Variants in ASXL2 observed in about 807,000 individuals in gnomAD.
The protein encoded by ASXL2 is ASXL transcriptional regulator 2.
In ASXL2, 23 loss-of-function variants were observed where a neutral mutation model predicts 122.0. The observed-to-expected ratio is 0.19, with a 90% CI of 0.14 to 0.27. The LOEUF is 0.27. ASXL2 is among the 10% of genes least tolerant of loss of function. ASXL2 has a pLI of 1.00. For synonymous variants in ASXL2, 650 were observed against 637.0 expected (o/e 1.02, Z -0.31); for missense variants, 1,518 against 1,713.8 (o/e 0.89, Z 2.02).
intron 8 of ASXL2, among the ~76,000 whole-genome samples, chr2:25,764,102 C>G (rs2088299292): frequency 6.6e-6 from 1 of 152,138 alleles, no homozygotes; most frequent in African/African-American, 2.4e-5. Context: ...TCTATAAATT[C>G]AAATAGTACC....
rs1054977851 is a variant in ASXL2 at position 25,739,075 on chromosome 2, A to G, written c.*2954T>C. ...AATCTTTATAAACAAGACTGAGACT[A>G]TATTATTGATGCTATCTCCTGGGGT... is the stretch of plus-strand genomic sequence containing the variant. On this transcript the variant is annotated 3_prime_UTR_variant, in exon 13 of 13. Coordinates refer to ENST00000435504, the MANE Select transcript of ASXL2 (RefSeq NM_018263.6). 6 of 152,216 alleles carry G rather than the reference A, an allele frequency of 3.9e-5. No homozygotes were observed. Among genetic ancestry groups the G allele is most frequent in the African/African-American group, 1.2e-4 (5 of 41,466 alleles). 9.4% of individuals were successfully genotyped at this position (152,216 alleles called of 1,614,324 possible).
At chr2:25,851,163 G>A (rs72801875) in intron 1 of ASXL2, among the ~76,000 whole-genome samples, 16 of 136,408 alleles carry the variant, frequency 1.2e-4, no homozygotes, top group East Asian at 3.9e-4. Context: ...AAAAAAAAAA[G>A]AAAGAAAGAA....
chr2:25,769,468 G>T (rs970174423), intron 6 of ASXL2, among the ~76,000 whole-genome samples: 1 of 152,026 alleles, frequency 6.6e-6, no homozygotes, highest in African/African-American at 2.4e-5. Context: ...TAAACAGAGG[G>T]GGAAGACTAG....
At chr2:25,868,776 C>A (rs2149203201) in intron 1 of ASXL2, among the ~76,000 whole-genome samples, 1 of 152,292 alleles carries the variant, frequency 6.6e-6, no homozygotes. Flanking sequence ...CACCTGTAAT[C>A]CCGGCATTTT....
At chr2:25,788,877 AAAGTT>A (rs2088788836) in intron 5 of ASXL2, among the ~76,000 whole-genome samples, 1 of 151,996 alleles carries the variant, frequency 6.6e-6, no homozygotes, top group Admixed American at 6.6e-5. Context: ...TCACTCTCTT[AAAGTT>A]ACGTTTTGAT....
intron 3 of ASXL2, among the ~76,000 whole-genome samples, chr2:25,808,533 T>C (rs756523185): frequency 6.6e-6 from 1 of 152,192 alleles, no homozygotes; most frequent in African/African-American, 2.4e-5. Flanking sequence ...AGTTTCACCA[T>C]GTTGGCCAGG....
chr2:25,808,547 G>T (rs575990444), intron 3 of ASXL2, among the ~76,000 whole-genome samples: 25 of 152,268 alleles, frequency 1.6e-4, no homozygotes, highest in African/African-American at 4.8e-4. Flanking sequence ...GGCCAGGCTG[G>T]TCTCGAACTC....
chr2:25,808,021 A>ACACACACT (rs766637532), intron 3 of ASXL2, among the ~76,000 whole-genome samples: 1 of 148,516 alleles, frequency 6.7e-6, no homozygotes, highest in African/African-American at 2.5e-5. Context: ...ACACACACAC[A>ACACACACT]CTCTCCACCC....
rs367891320 is a variant in ASXL2 at position 25,766,315 on chromosome 2, G to A, written c.775+1268C>T. Among the ~76,000 whole-genome samples the A allele has an allele frequency of 7.9e-5, 12 of 151,720 alleles. No individual in the cohort carries two copies. In the South Asian group the frequency reaches 2.5e-3, roughly 32 times the overall value. ...ATGCCTATTACACATTTTTAATCTG[G>A]AATTCTGTGGCTTTTTATTCTAAAT... On this transcript the variant is annotated intron_variant, in intron 8 of 12. Coordinates refer to ENST00000435504, the MANE Select transcript of ASXL2 (RefSeq NM_018263.6).
At chr2:25,800,432 G>A (rs796440754) in intron 4 of ASXL2, among the ~76,000 whole-genome samples, 4 of 152,060 alleles carry the variant, frequency 2.6e-5, no homozygotes, top group African/African-American at 9.6e-5. Flanking sequence ...GAATCTAATT[G>A]GTTCCTGAAT....
chr2:25,753,993 G>A (rs2088090268), intron 10 of ASXL2, among the ~76,000 whole-genome samples: 2 of 152,106 alleles, frequency 1.3e-5, no homozygotes. Context: ...AAAGTGATGT[G>A]CTTTCAATAA....
At chr2:25,863,869 G>A (rs1447530592) in intron 1 of ASXL2, among the ~76,000 whole-genome samples, 1 of 151,666 alleles carries the variant, frequency 6.6e-6, no homozygotes, top group Admixed American at 6.6e-5. Flanking sequence ...AGCTGGGTAT[G>A]GTGGCAGGTG....
intron 9 of ASXL2, among the ~76,000 whole-genome samples, 166 bp downstream of exon 9, chr2:25,759,316 C>T (rs1343586127): frequency 1.3e-5 from 2 of 152,228 alleles, no homozygotes; most frequent in Admixed American, 1.3e-4. Flanking sequence ...ATTCTGTCAT[C>T]TTGAAATTCT....
At chr2:25,856,143 G>A (rs1184909479) in intron 1 of ASXL2, among the ~76,000 whole-genome samples, 2 of 151,622 alleles carry the variant, frequency 1.3e-5, no homozygotes, top group Non-Finnish European at 2.9e-5. Flanking sequence ...TGCAACCTCC[G>A]CCTCCTGGGT....
intron 1 of ASXL2, among the ~76,000 whole-genome samples, chr2:25,872,806 C>T (rs1035287146): frequency 6.6e-6 from 1 of 152,090 alleles, no homozygotes; most frequent in Non-Finnish European, 1.5e-5. Flanking sequence ...AAACTAAGTT[C>T]CACAGAATAA....
intron 5 of ASXL2, among the ~76,000 whole-genome samples, chr2:25,786,231 C>G (rs111945242): frequency 1.3e-3 from 155 of 119,488 alleles, no homozygotes; most frequent in African/African-American, 4.8e-3. Flanking sequence ...CAACCTACTA[C>G]TCCACATCAT....
chr2:25,782,440 G>GCTTCCT (rs2088660502), intron 5 of ASXL2, among the ~76,000 whole-genome samples: 1 of 152,052 alleles, frequency 6.6e-6, no homozygotes, highest in Non-Finnish European at 1.5e-5. Flanking sequence ...CAACTACTCA[G>GCTTCCT]GAAGCTGAGG....
intron 5 of ASXL2, among the ~76,000 whole-genome samples, chr2:25,777,576 C>T (rs548962769): frequency 2.8e-4 from 42 of 150,908 alleles, no homozygotes; most frequent in South Asian, 1.3e-3. Flanking sequence ...AGTATGAGAC[C>T]CTATCGTTTA....
At chr2:25,867,221 G>C (rs1048036383) in intron 1 of ASXL2, among the ~76,000 whole-genome samples, 2 of 151,958 alleles carry the variant, frequency 1.3e-5, no homozygotes, top group African/African-American at 4.8e-5. Flanking sequence ...ATTTTTAGTA[G>C]AGACAGGTTC....
Sources: allele counts gnomAD v4.1 joint callset (sites outside exome capture counted in the v4.1 genomes callset), GRCh38; gene constraint gnomAD v4.1.1; transcripts MANE v1.5; gene names NCBI Gene and HGNC (gene_info 2026-07-23, HGNC 2026-07-21).